Variants in CTIF observed in about 807,000 individuals in gnomAD.
CTIF encodes CBP80/20-dependent translation initiation factor.
CTIF carries 21 observed loss-of-function variants against 66.0 expected under a neutral mutation model. That is an observed-to-expected ratio of 0.32 (90% CI 0.23 to 0.46). The LOEUF is 0.46. Among genes scored for constraint, CTIF ranks in the 20% least tolerant of loss-of-function variants. The pLI is 1.00. For missense variants in CTIF, 739 were observed against 812.7 expected (o/e 0.91, Z 1.10); for synonymous variants, 345 against 326.4 (o/e 1.06, Z -0.62).
At position 48,862,266 on chromosome 18, in the gene CTIF, C is replaced by CATT. The variant is rs1044368017; in HGVS notation, c.*2708_*2710dup. ...TGATGAGAGGCAGAGCTGGATATTGCATTTCTAAGGCTTGCATTGCTTTCC... is the reference window on the plus strand; with the variant it reads ...TGATGAGAGGCAGAGCTGGATATTGCATTATTTCTAAGGCTTGCATTGCTTTCC... On this transcript the variant is annotated 3_prime_UTR_variant, in exon 12 of 12. Transcript: ENST00000256413. The CATT allele has an allele frequency of 4.6e-5, 7 of 152,248 alleles. No homozygotes were observed. Among genetic ancestry groups the CATT allele is most frequent in the African/African-American group, 1.2e-4 (5 of 41,450 alleles). 9.4% of individuals were successfully genotyped at this position (152,248 alleles called of 1,614,324 possible).
At chr18:48,821,093 C>T (rs530491398) in intron 10 of CTIF, among the ~76,000 whole-genome samples, 1 of 152,324 alleles carries the variant, frequency 6.6e-6, no homozygotes, top group South Asian at 2.1e-4. Flanking sequence ...TCATCTCTGC[C>T]TCTCTGTCTT....
intron 7 of CTIF, among the ~76,000 whole-genome samples, chr18:48,720,569 C>G (rs747158574): frequency 8.5e-5 from 13 of 152,072 alleles, no homozygotes; most frequent in Admixed American, 4.6e-4. Flanking sequence ...GGCAGGCAGC[C>G]CTGTCAGATT....
At chr18:48,584,525 G>A (rs2089726601) in intron 1 of CTIF, among the ~76,000 whole-genome samples, 1 of 152,192 alleles carries the variant, frequency 6.6e-6, no homozygotes, top group African/African-American at 2.4e-5. Flanking sequence ...CTAGGACAGA[G>A]TCCAAGAACC....
intron 3 of CTIF, among the ~76,000 whole-genome samples, chr18:48,648,488 C>T (rs1172102008): frequency 6.6e-6 from 1 of 150,704 alleles, no homozygotes; most frequent in Non-Finnish European, 1.5e-5. Context: ...CACACACACA[C>T]GCACACACAC....
At chr18:48,647,467 A>G (rs2091064606) in intron 3 of CTIF, among the ~76,000 whole-genome samples, 1 of 152,216 alleles carries the variant, frequency 6.6e-6, no homozygotes, top group African/African-American at 2.4e-5. Flanking sequence ...TGAAGAGACA[A>G]GTTACATTGT....
At chr18:48,722,762 G>A (rs779092802) in intron 7 of CTIF, among the ~76,000 whole-genome samples, 4 of 151,606 alleles carry the variant, frequency 2.6e-5, no homozygotes, top group Non-Finnish European at 5.9e-5. Flanking sequence ...GTAAGCACAC[G>A]GCTGTGCCCA....
At chr18:48,618,548 G>A (rs1318774905) in intron 1 of CTIF, among the ~76,000 whole-genome samples, 3 of 152,206 alleles carry the variant, frequency 2.0e-5, no homozygotes, top group Non-Finnish European at 4.4e-5. Flanking sequence ...ATCAGAGGAA[G>A]GGGAGGGTCC....
intron 1 of CTIF, among the ~76,000 whole-genome samples, chr18:48,580,776 T>G (rs983704489): frequency 2.6e-5 from 4 of 152,216 alleles, no homozygotes; most frequent in African/African-American, 9.6e-5. Flanking sequence ...CTTGGAATTT[T>G]GGCTCCCCCG....
At chr18:48,676,285 G>A (rs976466231) in intron 6 of CTIF, among the ~76,000 whole-genome samples, 2 of 152,202 alleles carry the variant, frequency 1.3e-5, no homozygotes, top group African/African-American at 2.4e-5. Context: ...ATTGAAAGAC[G>A]TTGTTTGTTG....
At chr18:48,615,171 C>T (rs2090375641) in intron 1 of CTIF, among the ~76,000 whole-genome samples, 1 of 152,232 alleles carries the variant, frequency 6.6e-6, no homozygotes, top group Admixed American at 6.5e-5. Context: ...GCTGGGATTA[C>T]AGGCATGAGC....
At chr18:48,681,408 GC>G (rs1032033808) in intron 6 of CTIF, among the ~76,000 whole-genome samples, 1 of 151,814 alleles carries the variant, frequency 6.6e-6, no homozygotes, top group African/African-American at 2.4e-5. Context: ...CCAGAGTGGG[GC>G]CCCCAGCTGG....
chr18:48,553,458 G>C (rs183853114), intron 1 of CTIF, among the ~76,000 whole-genome samples: 2 of 152,276 alleles, frequency 1.3e-5, no homozygotes, highest in African/African-American at 2.4e-5. Flanking sequence ...AGGAGCGGGT[G>C]ATGGGGTAAT....
Position 48,791,635 on chromosome 18 carries a change from A to G in CTIF, c.1372-25586A>G, listed in dbSNP as rs531842095. Among the ~76,000 whole-genome samples, 106 of 152,292 alleles carry G rather than the reference A, an allele frequency of 7.0e-4. 1 individual carries two copies. Among genetic ancestry groups the G allele is most frequent in the Non-Finnish European group, 1.2e-3 (81 of 68,014 alleles). ...AGAGACCCTGAGGGCCAGCACCTCA[A>G]TCACAGCATCTCCTTGCCCCAAGCA... On this transcript the variant is annotated intron_variant, in intron 9 of 11. Transcript: ENST00000256413.
At chr18:48,601,742 C>G (rs1280895986) in intron 1 of CTIF, among the ~76,000 whole-genome samples, 1 of 152,224 alleles carries the variant, frequency 6.6e-6, no homozygotes. Context: ...AACTCACTGT[C>G]TTGTATGCTC....
chr18:48,859,782 A>T lies in CTIF; in HGVS notation c.*223A>T. The T allele has an allele frequency of 1.5e-6, 1 of 683,730 alleles. No homozygotes were observed. Among genetic ancestry groups the T allele is most frequent in the Non-Finnish European group, 2.7e-6 (1 of 373,226 alleles). The allele number at this position is 683,730 out of a possible 1,614,324, so 42.4% of individuals were successfully genotyped here. A position where few individuals can be genotyped will look rare whatever the true frequency, so the allele number is the denominator to read the frequency against. ...AGCCCGAGCATGCAAGCTCACACCAATAAGGGAAGCATGTTTCTTTTTCCT... is the reference window on the plus strand; with the variant it reads ...AGCCCGAGCATGCAAGCTCACACCATTAAGGGAAGCATGTTTCTTTTTCCT... On this transcript the variant is annotated 3_prime_UTR_variant, in exon 12 of 12. Transcript: ENST00000256413.
chr18:48,735,564 C>G (rs1365277064), intron 7 of CTIF, among the ~76,000 whole-genome samples: 1 of 152,060 alleles, frequency 6.6e-6, no homozygotes, highest in Non-Finnish European at 1.5e-5. Flanking sequence ...GACTGGAAGA[C>G]TGGAAGCTAA....
intron 6 of CTIF, among the ~76,000 whole-genome samples, chr18:48,711,063 G>A (rs942528871): frequency 6.6e-6 from 1 of 152,214 alleles, no homozygotes; most frequent in South Asian, 2.1e-4. Context: ...TATAGGGAAA[G>A]AAGATCTTGG....
intron 9 of CTIF, among the ~76,000 whole-genome samples, chr18:48,784,408 G>A (rs1326776494): frequency 4.6e-5 from 7 of 152,226 alleles, no homozygotes; most frequent in Non-Finnish European, 8.8e-5. Context: ...CGAGTATAGT[G>A]TGCACTGGGG....
rs183212506 is a variant in CTIF, at chr18:48,789,618, T to C, written c.1372-27603T>C. Reference sequence around the variant, plus strand: ...CATGGACTAGAATACTCAGTATTGGTATGATGTCACTTCTTCCTAAATTGG... The same window carrying C: ...CATGGACTAGAATACTCAGTATTGGCATGATGTCACTTCTTCCTAAATTGG... On this transcript the variant is annotated intron_variant, in intron 9 of 11. Coordinates refer to ENST00000256413, the MANE Select transcript of CTIF (RefSeq NM_014772.3). Among the ~76,000 whole-genome samples, 6 of 152,314 alleles carry C rather than the reference T, an allele frequency of 3.9e-5. No individual in the cohort carries two copies. In the East Asian group the frequency reaches 5.8e-4, roughly 15 times the overall value.
Sources: allele counts gnomAD v4.1 joint callset (sites outside exome capture counted in the v4.1 genomes callset), GRCh38; gene constraint gnomAD v4.1.1; transcripts MANE v1.5; gene names NCBI Gene and HGNC (gene_info 2026-07-23, HGNC 2026-07-21).